The following PRELID2 variants were observed in gnomAD, a reference collection of about 807,000 sequenced individuals.
PRELID2 encodes the protein PRELI domain containing 2.
PRELID2 carries 25 observed loss-of-function variants against 28.4 expected under a neutral mutation model. That is an observed-to-expected ratio of 0.88 (90% CI 0.64 to 1.23). The LOEUF is 1.23. PRELID2 is among the 50% of genes most tolerant of loss of function. The probability of loss-of-function intolerance (pLI) is 0.00; values close to 1 mark genes in which losing one functional copy is unlikely to be tolerated. For missense variants in PRELID2, 201 were observed against 214.4 expected (o/e 0.94, Z 0.39); for synonymous variants, 76 against 71.6 (o/e 1.06, Z -0.31).
chr5:145,338,048 A>T, the PRELID2 span: 1 of 152,174 alleles, frequency 6.6e-6, no homozygotes, highest in African/African-American at 2.4e-5. Flanking sequence ...TTTCAAAAAC[A>T]AATAAAACAT....
At chr5:145,554,188 G>C (rs1338405303) in intron 1 of PRELID2, among the ~76,000 whole-genome samples, 2 of 152,158 alleles carry the variant, frequency 1.3e-5, no homozygotes, top group African/African-American at 2.4e-5. Flanking sequence ...GCTAAAGAAA[G>C]GGAGATGATG....
chr5:145,419,728 A>G, the PRELID2 span, among the ~76,000 whole-genome samples: 1 of 152,020 alleles, frequency 6.6e-6, no homozygotes, highest in South Asian at 2.1e-4. Flanking sequence ...GAAGCTCTTT[A>G]GTTTAATTAG....
intron 4 of PRELID2, among the ~76,000 whole-genome samples, chr5:145,803,081 T>C (rs566911616): frequency 1.3e-5 from 2 of 152,192 alleles, no homozygotes; most frequent in African/African-American, 4.8e-5. Context: ...ACAGATACTC[T>C]TGTTGTGATG....
At chr5:145,256,008 A>G in the PRELID2 span, among the ~76,000 whole-genome samples, 1 of 151,958 alleles carries the variant, frequency 6.6e-6, no homozygotes, top group South Asian at 2.1e-4. Flanking sequence ...TTGCTGCTGT[A>G]GAAAATTATA....
chr5:145,612,740 T>G (rs1753635062), intron 1 of PRELID2, among the ~76,000 whole-genome samples: 1 of 152,238 alleles, frequency 6.6e-6, no homozygotes, highest in Admixed American at 6.5e-5. Flanking sequence ...GTTACTTCAC[T>G]TAGAATAATA....
chr5:145,369,445 A>C, the PRELID2 span, among the ~76,000 whole-genome samples: 2 of 152,074 alleles, frequency 1.3e-5, no homozygotes, highest in African/African-American at 4.8e-5. Context: ...TGCAAAGGAC[A>C]TGATCTCATT....
chr5:145,238,268 G>T, the PRELID2 span, among the ~76,000 whole-genome samples: 1 of 152,120 alleles, frequency 6.6e-6, no homozygotes, highest in African/African-American at 2.4e-5. Flanking sequence ...ATCCATATAA[G>T]GTAATTGTTA....
At chr5:145,695,699 G>C (rs968432389) in intron 1 of PRELID2, among the ~76,000 whole-genome samples, 1 of 152,174 alleles carries the variant, frequency 6.6e-6, no homozygotes, top group African/African-American at 2.4e-5. Context: ...GGGGCACAAA[G>C]TCTCTGTCCC....
the PRELID2 span, among the ~76,000 whole-genome samples, chr5:145,458,359 C>T: frequency 2.0e-5 from 3 of 152,058 alleles, no homozygotes; most frequent in Admixed American, 6.5e-5. Context: ...TTTAATAAAA[C>T]GGGAAAATTT....
At chr5:145,775,119 G>T (rs1288411973) in intron 5 of PRELID2, among the ~76,000 whole-genome samples, 1 of 151,916 alleles carries the variant, frequency 6.6e-6, no homozygotes, top group Non-Finnish European at 1.5e-5. Context: ...GTACGCCTGT[G>T]GCCCCAGCTA....
the PRELID2 span, among the ~76,000 whole-genome samples, chr5:145,312,530 C>T: frequency 6.6e-6 from 1 of 152,148 alleles, no homozygotes; most frequent in Non-Finnish European, 1.5e-5. Flanking sequence ...CACCCTCAGC[C>T]CTTGGTAACC....
chr5:145,464,890 A>AG, the PRELID2 span, among the ~76,000 whole-genome samples: 2 of 152,190 alleles, frequency 1.3e-5, no homozygotes, highest in African/African-American at 4.8e-5. Flanking sequence ...ATAGGCCAAC[A>AG]GGGGGGACTG....
At chr5:145,405,429 C>T in the PRELID2 span, among the ~76,000 whole-genome samples, 1 of 152,134 alleles carries the variant, frequency 6.6e-6, no homozygotes, top group Admixed American at 6.6e-5. Context: ...GTTTAATTGG[C>T]TCATCGTTCT....
At chr5:145,696,226 C>T (rs1366878721) in intron 1 of PRELID2, among the ~76,000 whole-genome samples, 1 of 131,486 alleles carries the variant, frequency 7.6e-6, no homozygotes, top group Non-Finnish European at 1.6e-5. Context: ...TTAGCAGCCA[C>T]TTCTGTGCCT....
At chr5:145,829,047 TTTG>T (rs759958990) in intron 1 of PRELID2, among the ~76,000 whole-genome samples, 59 of 151,448 alleles carry the variant, frequency 3.9e-4, no homozygotes, top group South Asian at 2.1e-4. Flanking sequence ...GGTTTGGGGT[TTTG>T]TTGTTGTTGG....
chr5:145,505,705 T>A (rs1752405032), intron 1 of PRELID2, among the ~76,000 whole-genome samples: 1 of 152,222 alleles, frequency 6.6e-6, no homozygotes, highest in Non-Finnish European at 1.5e-5. Flanking sequence ...CATTCCCATG[T>A]TCATTGTTGC....
chr5:145,753,472 A>G (rs1270565197), downstream of PRELID2, among the ~76,000 whole-genome samples: 1 of 152,228 alleles, frequency 6.6e-6, no homozygotes, highest in Non-Finnish European at 1.5e-5. Flanking sequence ...AGAGGCACTG[A>G]GGCACTTTTT....
intron 1 of PRELID2, among the ~76,000 whole-genome samples, chr5:145,687,587 T>C (rs1020796379): frequency 7.2e-5 from 11 of 152,250 alleles, no homozygotes; most frequent in African/African-American, 2.4e-4. Flanking sequence ...GTCATTCTTT[T>C]GTTTATCGAT....
intron 2 of PRELID2, among the ~76,000 whole-genome samples, chr5:145,822,298 A>G (rs1754884139): frequency 6.6e-6 from 1 of 152,210 alleles, no homozygotes; most frequent in Non-Finnish European, 1.5e-5. Context: ...AGAGATTCCT[A>G]TGCTCTAGAC....
Sources: gnomAD v4.1 joint callset for allele counts (sites outside exome capture counted in the v4.1 genomes callset) on GRCh38, gnomAD v4.1.1 for gene constraint, MANE v1.5 for transcripts, NCBI Gene and HGNC (gene_info 2026-07-23, HGNC 2026-07-21) for gene names.